LHFPL3: variants seen among roughly 807,000 people sequenced by gnomAD.
The protein encoded by LHFPL3 is LHFPL tetraspan subfamily member 3.
In LHFPL3, 5 loss-of-function variants were observed where a neutral mutation model predicts 19.3. The observed-to-expected ratio is 0.26, with a 90% CI of 0.14 to 0.54. The LOEUF (loss-of-function observed/expected upper bound fraction) is 0.54, where lower values mean the gene tolerates loss of function less well. LHFPL3 is among the 20% of genes least tolerant of loss of function. The pLI is 0.94. For missense variants in LHFPL3, 249 were observed against 307.4 expected (o/e 0.81, Z 1.42); for synonymous variants, 133 against 126.2 (o/e 1.05, Z -0.36).
intron 2 of LHFPL3, among the ~76,000 whole-genome samples, chr7:104,760,929 C>T (rs200671205): frequency 2.9e-4 from 7 of 23,976 alleles, no homozygotes; most frequent in Admixed American, 5.5e-4. Flanking sequence ...CCTATCACAT[C>T]AGAAAAAAAA....
intron 1 of LHFPL3, among the ~76,000 whole-genome samples, chr7:104,676,627 TA>T (rs1269363312): frequency 1.3e-5 from 2 of 152,244 alleles, no homozygotes; most frequent in African/African-American, 4.8e-5. Flanking sequence ...CAAACCATCT[TA>T]GAAATAGCAC....
intron 2 of LHFPL3, among the ~76,000 whole-genome samples, chr7:104,749,631 C>T (rs1423794580): frequency 1.2e-4 from 18 of 152,372 alleles, no homozygotes; most frequent in East Asian, 1.9e-4. Flanking sequence ...TGAATTACGG[C>T]GTTTACGGCC....
At chr7:104,341,409 A>G (rs1005071667) in intron 1 of LHFPL3, among the ~76,000 whole-genome samples, 7 of 152,244 alleles carry the variant, frequency 4.6e-5, no homozygotes, top group African/African-American at 1.7e-4. Flanking sequence ...TGCTATGACT[A>G]CATCTATGAC....
intron 1 of LHFPL3, among the ~76,000 whole-genome samples, chr7:104,610,943 C>T (rs763479917): frequency 1.3e-5 from 2 of 152,202 alleles, no homozygotes; most frequent in South Asian, 2.1e-4. Context: ...TTGTCTGGAA[C>T]AACCATCTAG....
chr7:104,750,876 T>C (rs1187414891), intron 2 of LHFPL3, among the ~76,000 whole-genome samples: 1,241 of 100,678 alleles, frequency 0.012, no homozygotes, highest in East Asian at 0.036. Context: ...TTGCCCATTT[T>C]TATCAAATTT....
chr7:104,687,910 A>G (rs1792836207), intron 1 of LHFPL3, among the ~76,000 whole-genome samples: 1 of 152,200 alleles, frequency 6.6e-6, no homozygotes, highest in Non-Finnish European at 1.5e-5. Context: ...CGCATTATAG[A>G]AAAATACAGA....
chr7:104,346,589 T>C (rs1345742220), intron 1 of LHFPL3, among the ~76,000 whole-genome samples: 1 of 152,166 alleles, frequency 6.6e-6, no homozygotes, highest in Non-Finnish European at 1.5e-5. Context: ...GTTAGCATCA[T>C]GTTTTTCTGA....
In LHFPL3 at chr7:104,676,495, G is replaced by A. The variant is rs1377908150; in HGVS notation, c.446-60180G>A. Among the ~76,000 whole-genome samples the A allele has an allele frequency of 3.9e-5, 6 of 152,118 alleles. No individual in the cohort carries two copies. The East Asian group carries it at 1.2e-3, about 29-fold the overall frequency. On this transcript the variant is annotated intron_variant, in intron 1 of 2. Transcript: ENST00000424859. ...TGTAAAAGCAAAGATATAATGAAAA[G>A]TCTCATCCATAAACTTCCCATGTGA...
chr7:104,491,018 G>A (rs369895143), intron 1 of LHFPL3, among the ~76,000 whole-genome samples: 161 of 152,236 alleles, frequency 1.1e-3, no homozygotes, highest in African/African-American at 3.7e-3. Flanking sequence ...TGGAATCTTG[G>A]AATCTAGATC....
chr7:104,688,411 T>C (rs575808246), intron 1 of LHFPL3, among the ~76,000 whole-genome samples: 1 of 152,174 alleles, frequency 6.6e-6, no homozygotes, highest in Non-Finnish European at 1.5e-5. Flanking sequence ...ATGCTCAGTC[T>C]TGCCAGGTGT....
intron 1 of LHFPL3, among the ~76,000 whole-genome samples, chr7:104,645,441 G>A (rs903598960): frequency 6.6e-6 from 1 of 152,074 alleles, no homozygotes; most frequent in Non-Finnish European, 1.5e-5. Context: ...AAATATAATT[G>A]CCCAGTGAAA....
At chr7:104,515,952 G>A (rs1793911773) in intron 1 of LHFPL3, among the ~76,000 whole-genome samples, 1 of 151,992 alleles carries the variant, frequency 6.6e-6, no homozygotes, top group African/African-American at 2.4e-5. Context: ...CAGTTCCAAA[G>A]TCGCTTCCAC....
At chr7:104,853,245 G>A (rs1041154642) in intron 2 of LHFPL3, among the ~76,000 whole-genome samples, 1 of 152,208 alleles carries the variant, frequency 6.6e-6, no homozygotes, top group African/African-American at 2.4e-5. Flanking sequence ...GTGAGAAGGG[G>A]AGGTTCCTCG....
intron 1 of LHFPL3, among the ~76,000 whole-genome samples, chr7:104,472,752 T>A (rs1792936305): frequency 1.3e-5 from 2 of 152,240 alleles, no homozygotes; most frequent in African/African-American, 4.8e-5. Context: ...TAACCCAGTT[T>A]TTTTCTGCAC....
chr7:104,430,397 TATATATACATATATATATATAC>T (rs1562895097), intron 1 of LHFPL3, among the ~76,000 whole-genome samples: 1 of 43,210 alleles, frequency 2.3e-5, no homozygotes, highest in Non-Finnish European at 3.7e-5. Flanking sequence ...TATATATATA[TATATATACATATATATATATAC>T]ATATATATAT....
In LHFPL3 at chr7:104,516,007, T is replaced by A. The variant is rs531910733; in HGVS notation, c.445+186783T>A. On this transcript the variant is annotated intron_variant, in intron 1 of 2. Transcript: ENST00000424859. ...ACAGCACCCCACTCTACTCTACTGGTTCCAATTTACTGTTATTAGTCTGTT... is the reference window on the plus strand; with the variant it reads ...ACAGCACCCCACTCTACTCTACTGGATCCAATTTACTGTTATTAGTCTGTT... 5.9e-5 allele frequency among the ~76,000 whole-genome samples: 9 copies of A among 152,178 alleles called. No homozygotes were observed. In the South Asian group the frequency reaches 1.7e-3, roughly 28 times the overall value.
intron 1 of LHFPL3, among the ~76,000 whole-genome samples, chr7:104,412,994 C>A (rs1283426926): frequency 1.3e-5 from 2 of 152,226 alleles, no homozygotes; most frequent in Non-Finnish European, 2.9e-5. Flanking sequence ...TTGCACTCCA[C>A]ACACAGAATA....
chr7:104,897,246 C>T (rs1039813825), intron 2 of LHFPL3, among the ~76,000 whole-genome samples: 9 of 152,262 alleles, frequency 5.9e-5, no homozygotes, highest in African/African-American at 2.2e-4. Context: ...TATTGCACAG[C>T]TACTAAATGC....
rs1790606983 is a variant in LHFPL3 at position 104,587,558 on chromosome 7, T to G, written c.446-149117T>G. On this transcript the variant is annotated intron_variant, in intron 1 of 2. Coordinates refer to ENST00000424859, the MANE Select transcript of LHFPL3 (RefSeq NM_199000.3). ...GGTTGGTTTCAAGTCTTTGCTATTA[T>G]GAATAGTGCCACAATAAACATACAT... is the stretch of plus-strand genomic sequence containing the variant. Among the ~76,000 whole-genome samples, 3 of 152,256 alleles carry G rather than the reference T, an allele frequency of 2.0e-5. 1 individual carries two copies. In the South Asian group the frequency reaches 6.2e-4, roughly 32 times the overall value.
Sources: gnomAD v4.1 joint callset for allele counts (sites outside exome capture counted in the v4.1 genomes callset) on GRCh38, gnomAD v4.1.1 for gene constraint, MANE v1.5 for transcripts, NCBI Gene and HGNC (gene_info 2026-07-23, HGNC 2026-07-21) for gene names.